DDX17: variants seen among roughly 807,000 people sequenced by gnomAD.
DDX17 encodes the protein DEAD-box helicase 17, also known as probable ATP-dependent RNA helicase DDX17.
DDX17 carries 10 observed loss-of-function variants against 80.8 expected under a neutral mutation model. The observed-to-expected ratio is 0.12, with a 90% confidence interval of 0.08 to 0.21. The LOEUF (loss-of-function observed/expected upper bound fraction) is 0.21, where lower values mean the gene tolerates loss of function less well. Ranked by LOEUF, DDX17 falls within the 10% of genes least tolerant of loss-of-function variation. DDX17 has a pLI of 1.00. For missense variants in DDX17, 586 were observed against 957.4 expected (o/e 0.61, Z 5.12); for synonymous variants, 339 against 336.2 (o/e 1.01, Z -0.09).
At chr22:38,490,218 G>T in intron 11 of DDX17, 1 of 1,212,248 alleles carries the variant, frequency 8.2e-7, no homozygotes, top group Non-Finnish European at 1.0e-6. Flanking sequence ...TGCCTTTCTA[G>T]AAGATGCTGT....
intron 11 of DDX17, 96 bp downstream of exon 11, chr22:38,491,960 A>G: frequency 1.2e-6 from 1 of 855,090 alleles, no homozygotes; most frequent in East Asian, 2.9e-5. Context: ...CCACATGTAT[A>G]TACAACTTTC....
At chr22:38,490,323 A>G (rs1029852852) in intron 11 of DDX17, 29 of 1,287,138 alleles carry the variant, frequency 2.3e-5, no homozygotes, top group Non-Finnish European at 2.6e-5. Context: ...TGAATCGCCA[A>G]TCACTAATAA....
chr22:38,500,413 C>T (rs1044228218), intron 2 of DDX17, among the ~76,000 whole-genome samples: 10 of 151,888 alleles, frequency 6.6e-5, no homozygotes, highest in Non-Finnish European at 1.0e-4. Flanking sequence ...GAGGCTGAGG[C>T]GGGCAGATCA....
chr22:38,505,552 G>C (rs911115882), intron 1 of DDX17: 1 of 189,154 alleles, frequency 5.3e-6, no homozygotes. Flanking sequence ...GAAGATCCGC[G>C]TTTTTCAGAT....
intron 1 of DDX17, among the ~76,000 whole-genome samples, chr22:38,502,169 G>GGGAGGC (rs773584474): frequency 1.5e-4 from 23 of 152,328 alleles, no homozygotes; most frequent in South Asian, 1.0e-3. Flanking sequence ...CCAGCACTTT[G>GGGAGGC]GGAGGCGGAG....
chr22:38,502,387 C>CTGGT, intron 1 of DDX17, among the ~76,000 whole-genome samples: 1 of 144,700 alleles, frequency 6.9e-6, no homozygotes, highest in Admixed American at 7.2e-5. Context: ...GCACTCCAGC[C>CTGGT]TGGTAGACAG....
intron 1 of DDX17, among the ~76,000 whole-genome samples, chr22:38,503,984 G>C (rs899387741): frequency 6.6e-6 from 1 of 152,190 alleles, no homozygotes; most frequent in African/African-American, 2.4e-5. Flanking sequence ...TCAAAGTATG[G>C]ATCAGTAATT....
At position 38,497,619 on chromosome 22, in the gene DDX17, C is replaced by CAAAA. The variant is rs138449; in HGVS notation, c.738+462_738+465dup. On this transcript the variant is annotated intron_variant, in intron 5 of 12. Transcript: ENST00000403230. The stretch of plus-strand genomic sequence containing the variant: ...GGCAACAAGAGTGAGAATATATCTC[C>CAAAA]AAAAAAAAAAAAAAAAAAGAAAGAA... 1.6e-3 allele frequency among the ~76,000 whole-genome samples: 117 copies of CAAAA among 74,852 alleles called. 2 individuals carry two copies. The highest frequency in any genetic ancestry group is 0.015 in the Middle Eastern group (2 of 130). The allele number at this position is 74,852 out of a possible 152,430, so 49.1% of individuals were successfully genotyped here.
rs900712040 is a variant in DDX17, at chr22:38,486,268, A to G, written c.1857T>C (p.Tyr619=). ...CTCCAAAGGCAGAATTTGGACTTCCATAGCCACTGCCATTAGCATAACCAG... is the reference window on the plus strand; with the variant it reads ...CTCCAAAGGCAGAATTTGGACTTCCGTAGCCACTGCCATTAGCATAACCAG... Residue 619 remains tyrosine, a synonymous_variant, in exon 13 of 13, where the codon TAT becomes TAC. Transcript: ENST00000403230. 5 of 1,614,186 alleles carry G rather than the reference A, an allele frequency of 3.1e-6. No homozygotes were observed. Among genetic ancestry groups the G allele is most frequent in the Non-Finnish European group, 4.2e-6 (5 of 1,180,040 alleles).
chr22:38,493,059 C>G (rs1241690201), intron 10 of DDX17, among the ~76,000 whole-genome samples: 3 of 152,144 alleles, frequency 2.0e-5, no homozygotes, highest in East Asian at 1.9e-4. Context: ...CCTTAAAGAA[C>G]CATGAGCACA....
In DDX17 at chr22:38,486,008, A is replaced by G. The variant is rs958047393; in HGVS notation, c.2117T>C (p.Met706Thr). 2.5e-6 allele frequency: 4 copies of G among 1,614,038 alleles called. No individual in the cohort carries two copies. Among genetic ancestry groups the G allele is most frequent in the Non-Finnish European group, 3.4e-6 (4 of 1,179,988 alleles). ...GGCAGTCTGCCCCATGTAACCTATCATATTGGTAGCTCCCGGAGGCTGTGC... is the reference window on the plus strand; with the variant it reads ...GGCAGTCTGCCCCATGTAACCTATCGTATTGGTAGCTCCCGGAGGCTGTGC... Residue 706 changes from methionine (M) to threonine (T), a missense_variant, in exon 13 of 13, where the codon ATG becomes ACG. Met to Thr is a moderately conservative substitution (Grantham distance 81, BLOSUM62 -1). Around this residue, in one of 4 missense-constraint regions of DDX17, gnomAD observed 221 missense variants for 261.4 expected, o/e 0.85. Coordinates refer to ENST00000403230, the MANE Select transcript of DDX17 (RefSeq NM_006386.5).
At chr22:38,502,828 CCT>C (rs1456711045) in intron 1 of DDX17, among the ~76,000 whole-genome samples, 1 of 152,066 alleles carries the variant, frequency 6.6e-6, no homozygotes, top group African/African-American at 2.4e-5. Flanking sequence ...AATTTAGTTC[CCT>C]TTTCCCACTC....
rs188371158 is a variant in DDX17 at position 38,488,231 on chromosome 22, G to A, written c.1448-116C>T. ...TGCAGATGACAGCAAGAGGAAAGAAGGTGAAGTTAGTAACCACTCTGAACA... is the reference window on the plus strand; with the variant it reads ...TGCAGATGACAGCAAGAGGAAAGAAAGTGAAGTTAGTAACCACTCTGAACA... On this transcript the variant is annotated intron_variant, in intron 11 of 12. Coordinates refer to ENST00000403230, the MANE Select transcript of DDX17 (RefSeq NM_006386.5). 32 of 1,590,450 alleles carry A rather than the reference G, an allele frequency of 2.0e-5. No homozygotes were observed. In the African/African-American group the frequency reaches 3.2e-4, roughly 16 times the overall value.
In DDX17 at chr22:38,505,938, C is replaced by A; in HGVS notation, c.287+13G>T. On this transcript the variant is annotated intron_variant, in intron 1 of 12. Coordinates refer to ENST00000403230, the MANE Select transcript of DDX17 (RefSeq NM_006386.5). ...CCCCACGCCAGGCCTCTCCTCTCCT[C>A]CCCCACCCTTACCCTCCACGGTCAC... 1 of 1,560,388 alleles carries A rather than the reference C, an allele frequency of 6.4e-7. No individual in the cohort carries two copies. The highest frequency in any genetic ancestry group is 2.4e-5 in the East Asian group (1 of 41,696).
Position 38,499,510 on chromosome 22 carries a change from A to C in DDX17, c.439-11T>G. 1 of 1,577,808 alleles carries C rather than the reference A, an allele frequency of 6.3e-7. No individual in the cohort carries two copies. Among genetic ancestry groups the C allele is most frequent in the Admixed American group, 1.7e-5 (1 of 58,832 alleles). ...CTCATCAACCTCATACTATTGAAAAAAAATGAAAGAAGTTAGTAAACTAGT... is the reference window on the plus strand; with the variant it reads ...CTCATCAACCTCATACTATTGAAAACAAATGAAAGAAGTTAGTAAACTAGT... On this transcript the variant is annotated splice_polypyrimidine_tract_variant and intron_variant, in intron 2 of 12. Transcript: ENST00000403230.
Position 38,492,037 on chromosome 22 carries a change from G to A in DDX17, c.1447+19C>T, listed in dbSNP as rs767857565. ...AAAAGATACATATACCATTGACAGA[G>A]ACACCTATCTATACAAACCTAGCCC... is the stretch of plus-strand genomic sequence containing the variant. On this transcript the variant is annotated intron_variant, in intron 11 of 12. Transcript: ENST00000403230. The A allele has an allele frequency of 3.2e-5, 50 of 1,572,266 alleles. No individual in the cohort carries two copies. Among genetic ancestry groups the A allele is most frequent in the Non-Finnish European group, 4.3e-5 (50 of 1,155,074 alleles).
chr22:38,485,959 G>A lies in DDX17; in HGVS notation c.2166C>T (p.Pro722=), dbSNP rs1569136259. Residue 722 remains proline (P), a synonymous_variant, in exon 13 of 13, where the codon CCC becomes CCT. Coordinates refer to ENST00000403230, the MANE Select transcript of DDX17 (RefSeq NM_006386.5). ...TTCATTTACGTGAAGGAGGAGGAGGGGGAGGAGGAGGAGGGTATTGGTAGG... is the reference window on the plus strand; with the variant it reads ...TTCATTTACGTGAAGGAGGAGGAGGAGGAGGAGGAGGAGGGTATTGGTAGG... 2.5e-6 allele frequency: 4 copies of A among 1,613,692 alleles called. No individual in the cohort carries two copies. Among genetic ancestry groups the A allele is most frequent in the South Asian group, 2.2e-5 (2 of 91,044 alleles).
chr22:38,503,862 C>T (rs914693219), intron 1 of DDX17, among the ~76,000 whole-genome samples: 1 of 151,830 alleles, frequency 6.6e-6, no homozygotes, highest in African/African-American at 2.4e-5. Flanking sequence ...TCAGTTGAAA[C>T]AACAGCAATT....
At chr22:38,492,710 T>G (rs1274560064) in intron 10 of DDX17, among the ~76,000 whole-genome samples, 1 of 152,168 alleles carries the variant, frequency 6.6e-6, no homozygotes, top group Non-Finnish European at 1.5e-5. Context: ...GGTCTCGAAC[T>G]CCCAACCTCA....
Sources: gnomAD v4.1 joint callset for allele counts (sites outside exome capture counted in the v4.1 genomes callset) on GRCh38, gnomAD v4.1.1 for gene constraint, gnomAD v4.1.1 regional missense constraint, MANE v1.5 for transcripts, NCBI Gene and HGNC (gene_info 2026-07-23, HGNC 2026-07-21) for gene names.